Variants in PKP2 observed in about 807,000 individuals in gnomAD.
PKP2 encodes plakophilin 2, also known as plakophilin-2.
PKP2 carries 73 observed loss-of-function variants against 83.4 expected under a neutral mutation model. That is an observed-to-expected ratio of 0.88 (90% CI 0.72 to 1.06). The LOEUF (loss-of-function observed/expected upper bound fraction) is 1.06, where lower values mean the gene tolerates loss of function less well. Among genes scored for constraint, PKP2 ranks in the 50% least tolerant of loss-of-function variants. The probability of loss-of-function intolerance (pLI) is 0.00; values close to 1 mark genes in which losing one functional copy is unlikely to be tolerated. For synonymous variants in PKP2, 409 were observed against 430.4 expected (o/e 0.95, Z 0.62); for missense variants, 966 against 1,065.4 (o/e 0.91, Z 1.30).
intron 1 of PKP2, among the ~76,000 whole-genome samples, chr12:32,879,831 CAA>C (rs79905789): frequency 4.3e-4 from 23 of 53,984 alleles, no homozygotes; most frequent in African/African-American, 6.8e-4. Flanking sequence ...AACTCTGTCT[CAA>C]AAAAAAAAAA....
At chr12:32,885,669 C>A (rs1325990582) in intron 1 of PKP2, among the ~76,000 whole-genome samples, 15 of 145,144 alleles carry the variant, frequency 1.0e-4, no homozygotes, top group South Asian at 4.4e-4. Flanking sequence ...GTCCCCCCCC[C>A]AAAAAAAAAA....
intron 9 of PKP2, among the ~76,000 whole-genome samples, chr12:32,812,147 G>A (rs539634986): frequency 1.1e-3 from 162 of 146,676 alleles, no homozygotes; most frequent in Non-Finnish European, 1.9e-3. Context: ...TGAGGATGCT[G>A]AGTAAACTGT....
intron 9 of PKP2, among the ~76,000 whole-genome samples, chr12:32,807,314 G>A (rs901581883): frequency 6.6e-6 from 1 of 152,030 alleles, no homozygotes; most frequent in Non-Finnish European, 1.5e-5. Flanking sequence ...ATCTTTGCTG[G>A]TGTAAAGTCT....
chr12:32,803,886 G>A (rs987560627), intron 9 of PKP2, among the ~76,000 whole-genome samples: 2 of 152,112 alleles, frequency 1.3e-5, no homozygotes, highest in Non-Finnish European at 2.9e-5. Context: ...CCACCCATGT[G>A]GACAATCTGT....
In PKP2 at chr12:32,792,737, A is replaced by G. The variant is rs761613652; in HGVS notation, c.2358-6T>C. On this transcript the variant is annotated splice_region_variant and splice_polypyrimidine_tract_variant and intron_variant, in intron 11 of 12. Coordinates refer to ENST00000340811, the MANE Select transcript of PKP2 (RefSeq NM_001005242.3). Reference sequence around the variant, plus strand: ...TTGCTTTGTTGGAGGCATAGCTGAAAAGAAAAGGACATTCTGAGATCAGGG... The same window carrying G: ...TTGCTTTGTTGGAGGCATAGCTGAAGAGAAAAGGACATTCTGAGATCAGGG... The G allele has an allele frequency of 1.4e-5, 22 of 1,611,938 alleles. No individual in the cohort carries two copies. In the East Asian group the frequency reaches 4.7e-4, roughly 34 times the overall value.
chr12:32,888,109 G>A (rs540999492), intron 1 of PKP2, among the ~76,000 whole-genome samples: 2 of 152,148 alleles, frequency 1.3e-5, no homozygotes, highest in Admixed American at 6.5e-5. Flanking sequence ...TTGAGCCCGG[G>A]GGGCAGAGGT....
chr12:32,857,785 C>T (rs551472772), intron 4 of PKP2, among the ~76,000 whole-genome samples: 74 of 152,066 alleles, frequency 4.9e-4, no homozygotes, highest in African/African-American at 1.7e-3. Context: ...CAAACAACTT[C>T]AATCCTATGT....
At chr12:32,823,545 G>A (rs1956403863) in intron 7 of PKP2, among the ~76,000 whole-genome samples, 1 of 151,912 alleles carries the variant, frequency 6.6e-6, no homozygotes, top group Non-Finnish European at 1.5e-5. Flanking sequence ...TCCACATAGT[G>A]TGGTTAGACA....
At chr12:32,857,589 T>C (rs1281129381) in intron 4 of PKP2, among the ~76,000 whole-genome samples, 1 of 152,196 alleles carries the variant, frequency 6.6e-6, no homozygotes, top group Non-Finnish European at 1.5e-5. Flanking sequence ...TATACATACA[T>C]TTAAAAACTA....
chr12:32,796,944 TAC>T (rs1013839367), intron 10 of PKP2, among the ~76,000 whole-genome samples: 2 of 152,152 alleles, frequency 1.3e-5, no homozygotes, highest in African/African-American at 4.8e-5. Flanking sequence ...AAAAGCTTTC[TAC>T]AGAGATCTTT....
chr12:32,869,369 G>C (rs1956878977), intron 3 of PKP2, among the ~76,000 whole-genome samples: 1 of 152,122 alleles, frequency 6.6e-6, no homozygotes, highest in African/African-American at 2.4e-5. Context: ...CGGATCACTT[G>C]AGGTCAGGAG....
In PKP2 at chr12:32,878,184, G is replaced by A. The variant is rs375677250; in HGVS notation, c.696C>T (p.Asp232=). Residue 232 remains aspartate (D), a synonymous_variant, in exon 3 of 13, where the codon GAC becomes GAT. Transcript: ENST00000340811. ...QHGSVSDTVF[D]SIPANPALLT... is the part of the protein sequence containing the mutation. ...GCAGGGCCGGGTTGGCAGGGATGCTGTCAAAAACGGTGTCGCTAACAGAGC... is the reference window on the plus strand; with the variant it reads ...GCAGGGCCGGGTTGGCAGGGATGCTATCAAAAACGGTGTCGCTAACAGAGC... 59 of 1,614,112 alleles carry A rather than the reference G, an allele frequency of 3.7e-5. No individual in the cohort carries two copies. In the African/African-American group the frequency reaches 7.6e-4, roughly 21 times the overall value.
At chr12:32,823,694 G>A (rs767688757) in intron 7 of PKP2, among the ~76,000 whole-genome samples, 16 of 151,854 alleles carry the variant, frequency 1.1e-4, no homozygotes, top group South Asian at 2.1e-4. Flanking sequence ...GCAAGCTCTG[G>A]GGTTCATGCC....
intron 11 of PKP2, among the ~76,000 whole-genome samples, chr12:32,793,846 C>T (rs1033337693): frequency 5.3e-5 from 8 of 152,104 alleles, no homozygotes; most frequent in East Asian, 3.9e-4. Context: ...CCGCCTGCCT[C>T]GGCCTCTCAT....
intron 1 of PKP2, among the ~76,000 whole-genome samples, chr12:32,880,598 C>G (rs1197180599): frequency 6.6e-6 from 1 of 152,116 alleles, no homozygotes; most frequent in East Asian, 1.9e-4. Flanking sequence ...GTTTGGTGGT[C>G]TAATAGCCAG....
intron 6 of PKP2, among the ~76,000 whole-genome samples, chr12:32,829,872 G>A (rs1320013926): frequency 6.6e-6 from 1 of 151,988 alleles, no homozygotes; most frequent in Non-Finnish European, 1.5e-5. Context: ...TGTTGGCCAG[G>A]CTACTCTCGA....
chr12:32,803,396 T>C (rs1392944337), intron 9 of PKP2, among the ~76,000 whole-genome samples: 1 of 151,790 alleles, frequency 6.6e-6, no homozygotes, highest in Non-Finnish European at 1.5e-5. Context: ...AACAAACAAA[T>C]GCAATGCAAT....
chr12:32,803,772 G>A (rs151235648), intron 9 of PKP2, among the ~76,000 whole-genome samples: 303 of 152,210 alleles, frequency 2.0e-3, no homozygotes, highest in African/African-American at 7.0e-3. Context: ...TGCACCTTAC[G>A]CTCATAGCCT....
At chr12:32,855,907 T>C (rs1343427794) in intron 4 of PKP2, among the ~76,000 whole-genome samples, 2 of 152,116 alleles carry the variant, frequency 1.3e-5, no homozygotes, top group African/African-American at 4.8e-5. Flanking sequence ...TCTGCCATTT[T>C]CTATGTTTTC....
Sources: gnomAD v4.1 joint callset for allele counts (sites outside exome capture counted in the v4.1 genomes callset) on GRCh38, gnomAD v4.1.1 for gene constraint, MANE v1.5 for transcripts, NCBI Gene and HGNC (gene_info 2026-07-23, HGNC 2026-07-21) for gene names.